CARMIL1: variants seen among roughly 807,000 people sequenced by gnomAD.
CARMIL1 encodes the protein F-actin-uncapping protein LRRC16A.
In CARMIL1, 90 loss-of-function variants were observed where a neutral mutation model predicts 177.1. The ratio of observed to expected loss-of-function variants is 0.51; its 90% CI spans 0.43 to 0.61. The LOEUF is 0.61. Ranked by LOEUF, CARMIL1 falls within the 20% of genes least tolerant of loss-of-function variation. The pLI, the probability that CARMIL1 is intolerant of heterozygous loss-of-function variation, is 0.00. For synonymous variants in CARMIL1, 577 were observed against 606.2 expected, an observed-to-expected ratio of 0.95 and a Z score of 0.71; for missense variants, 1,380 against 1,667.0, an observed-to-expected ratio of 0.83 and a Z score of 3.00.
intron 11 of CARMIL1, among the ~76,000 whole-genome samples, chr6:25,475,306 A>G (rs1188017557): frequency 1.3e-5 from 2 of 151,784 alleles, no homozygotes; most frequent in African/African-American, 2.4e-5. Flanking sequence ...CGGGAGGCTG[A>G]GGCAGGAGAA....
At chr6:25,546,125 AT>A (rs1327736790) in intron 26 of CARMIL1, among the ~76,000 whole-genome samples, 2 of 152,158 alleles carry the variant, frequency 1.3e-5, no homozygotes, top group African/African-American at 4.8e-5. Flanking sequence ...ATTTTTTCCA[AT>A]TTTTTGTAGG....
chr6:25,303,617 G>A (rs1211200257), intron 2 of CARMIL1, among the ~76,000 whole-genome samples: 1 of 152,220 alleles, frequency 6.6e-6, no homozygotes, highest in Non-Finnish European at 1.5e-5. Flanking sequence ...CAGGGAACTT[G>A]GAGAAAAGCT....
chr6:25,297,979 C>T (rs1366686253), intron 2 of CARMIL1, among the ~76,000 whole-genome samples: 1 of 152,212 alleles, frequency 6.6e-6, no homozygotes, highest in African/African-American at 2.4e-5. Flanking sequence ...AGTGTGCCTA[C>T]ATTTAAATTC....
intron 2 of CARMIL1, among the ~76,000 whole-genome samples, chr6:25,295,349 G>C (rs184557742): frequency 6.8e-4 from 103 of 152,260 alleles, no homozygotes; most frequent in Admixed American, 3.7e-3. Flanking sequence ...CTGTAGAGGA[G>C]TACTGTAGTT....
intron 2 of CARMIL1, among the ~76,000 whole-genome samples, chr6:25,408,147 T>G (rs1447662325): frequency 6.6e-6 from 1 of 151,754 alleles, no homozygotes; most frequent in African/African-American, 2.4e-5. Context: ...AAAAATTACC[T>G]GGGTGTGGTG....
intron 2 of CARMIL1, chr6:25,287,418 T>C (rs1781601160): frequency 6.6e-6 from 1 of 152,298 alleles, no homozygotes; most frequent in Non-Finnish European, 1.5e-5. Context: ...CTAATATTTC[T>C]AAAAATCTGT....
Position 25,600,754 on chromosome 6 carries a change from T to C in CARMIL1, c.3552+8T>C, listed in dbSNP as rs1037432878. 1 of 1,477,834 alleles carries C rather than the reference T, an allele frequency of 6.8e-7. No homozygotes were observed. Among genetic ancestry groups the C allele is most frequent in the African/African-American group, 1.4e-5 (1 of 70,626 alleles). 91.5% of individuals were successfully genotyped at this position (1,477,834 alleles called of 1,614,324 possible). On this transcript the variant is annotated splice_region_variant and intron_variant, in intron 33 of 36. Transcript: ENST00000329474. The stretch of plus-strand genomic sequence containing the variant: ...GCTGCGTGTGCGCAGAAGGTAAGGG[T>C]GGACCTATTTTTAATTCATTCATTT...
At chr6:25,527,061 C>T (rs1054430121) in intron 23 of CARMIL1, among the ~76,000 whole-genome samples, 1 of 152,256 alleles carries the variant, frequency 6.6e-6, no homozygotes, top group East Asian at 1.9e-4. Context: ...TTGCTTCTTT[C>T]GCTGGTGCTG....
intron 2 of CARMIL1, among the ~76,000 whole-genome samples, chr6:25,347,593 T>A (rs1249526478): frequency 6.6e-6 from 1 of 152,220 alleles, no homozygotes; most frequent in Non-Finnish European, 1.5e-5. Flanking sequence ...GTTCTTTGAA[T>A]TTTTGAAAGA....
chr6:25,481,708 C>T (rs1439784976), intron 11 of CARMIL1, among the ~76,000 whole-genome samples: 1 of 152,164 alleles, frequency 6.6e-6, no homozygotes, highest in Non-Finnish European at 1.5e-5. Flanking sequence ...CCATAAATTC[C>T]TGGTGAGTTA....
Position 25,600,500 on chromosome 6 carries a change from A to G in CARMIL1, c.3306A>G (p.Pro1102=). The change falls in exon 33 of 37, where the codon CCA becomes CCG. Residue 1102 remains proline (P), a synonymous_variant. Coordinates refer to ENST00000329474, the MANE Select transcript of CARMIL1 (RefSeq NM_017640.6). ...CACCAAAAGGGGCAGTCAGAAGTCC[A>G]CCTGTGGACTGTCCCAGGAAGGACA... ...PSSPKGAVRS[P]PVDCPRKDTK... 1.9e-6 allele frequency: 3 copies of G among 1,614,076 alleles called. No homozygotes were observed. The highest frequency in any genetic ancestry group is 1.1e-5 in the South Asian group (1 of 91,084).
intron 9 of CARMIL1, among the ~76,000 whole-genome samples, chr6:25,468,456 A>G (rs950969832): frequency 1.3e-5 from 2 of 152,198 alleles, no homozygotes; most frequent in African/African-American, 4.8e-5. Context: ...TTATTACTCT[A>G]TAGTGATTCT....
chr6:25,592,767 A>C (rs1814443768), intron 31 of CARMIL1, among the ~76,000 whole-genome samples: 1 of 152,204 alleles, frequency 6.6e-6, no homozygotes, highest in Non-Finnish European at 1.5e-5. Context: ...AGATTACAGG[A>C]AACAGCTTTC....
In CARMIL1 at chr6:25,376,221, C is replaced by A. The variant is rs114290615; in HGVS notation, c.139-43893C>A. Among the ~76,000 whole-genome samples, 630 of 152,234 alleles carry A rather than the reference C, an allele frequency of 4.1e-3. 4 individuals are homozygous for A. Among genetic ancestry groups the A allele is most frequent in the African/African-American group, 0.013 (541 of 41,530 alleles). The stretch of plus-strand genomic sequence containing the variant: ...TCAGCCTTGCGAGTAGCTGGGCTTA[C>A]GGTGCCCACCACCATGCCCAGCTAA... On this transcript the variant is annotated intron_variant, in intron 2 of 36. Transcript: ENST00000329474.
chr6:25,362,667 C>T (rs1789341885), intron 2 of CARMIL1, among the ~76,000 whole-genome samples: 1 of 152,036 alleles, frequency 6.6e-6, no homozygotes, highest in Non-Finnish European at 1.5e-5. Context: ...GAGACTCCGT[C>T]TCAAAAACAA....
chr6:25,282,559 C>G (rs1581434187), intron 1 of CARMIL1, among the ~76,000 whole-genome samples: 1 of 152,128 alleles, frequency 6.6e-6, no homozygotes, highest in South Asian at 2.1e-4. Context: ...GGCGGTATTT[C>G]CAAGAAGAAA....
chr6:25,420,581 G>C (rs1795772843), intron 3 of CARMIL1, among the ~76,000 whole-genome samples: 1 of 151,810 alleles, frequency 6.6e-6, no homozygotes. Context: ...AGTACTGGCA[G>C]ATTTTTCTAA....
At chr6:25,495,564 TG>T in intron 16 of CARMIL1, among the ~76,000 whole-genome samples, 1 of 151,980 alleles carries the variant, frequency 6.6e-6, no homozygotes, top group East Asian at 1.9e-4. Context: ...TGTGTGTGTG[TG>T]TGTGTGTGTG....
At chr6:25,317,929 CATTTT>C (rs1355721680) in intron 2 of CARMIL1, among the ~76,000 whole-genome samples, 1 of 152,096 alleles carries the variant, frequency 6.6e-6, no homozygotes, top group Non-Finnish European at 1.5e-5. Flanking sequence ...TTAGAATCTG[CATTTT>C]ATTTTAAGTC....
Sources: gnomAD v4.1 joint callset for allele counts (sites outside exome capture counted in the v4.1 genomes callset) on GRCh38, gnomAD v4.1.1 for gene constraint, MANE v1.5 for transcripts, NCBI Gene and HGNC (gene_info 2026-07-23, HGNC 2026-07-21) for gene names.